The following TCF12 variants were observed in gnomAD, a reference collection of about 807,000 sequenced individuals.
TCF12 encodes the protein DNA-binding protein HTF4.
TCF12 carries 45 observed loss-of-function variants against 86.0 expected under a neutral mutation model. That is an observed-to-expected ratio of 0.52 (90% CI 0.41 to 0.67). The LOEUF (loss-of-function observed/expected upper bound fraction) is 0.67, where lower values mean the gene tolerates loss of function less well. Ranked by LOEUF, TCF12 falls within the 30% of genes least tolerant of loss-of-function variation. TCF12 has a pLI of 0.00. For missense variants in TCF12, 881 were observed against 859.9 expected, an observed-to-expected ratio of 1.02 and a Z score of -0.31; for synonymous variants, 330 against 299.6, an observed-to-expected ratio of 1.10 and a Z score of -1.05.
At chr15:57,096,855 C>T (rs144121277) in intron 5 of TCF12, among the ~76,000 whole-genome samples, 4 of 152,102 alleles carry the variant, frequency 2.6e-5, no homozygotes, top group African/African-American at 7.2e-5. Context: ...TCTAATTGCT[C>T]AAGTATATTA....
intron 5 of TCF12, among the ~76,000 whole-genome samples, chr15:57,145,681 C>T (rs1182395907): frequency 2.0e-5 from 3 of 151,852 alleles, no homozygotes; most frequent in Non-Finnish European, 4.4e-5. Flanking sequence ...TTGGTAAGCA[C>T]GCTGACATAG....
intron 6 of TCF12, among the ~76,000 whole-genome samples, chr15:57,178,005 G>C (rs1424054539): frequency 6.6e-6 from 1 of 152,206 alleles, no homozygotes; most frequent in Non-Finnish European, 1.5e-5. Flanking sequence ...CTCGTTGGAA[G>C]CAGTTTCAGA....
chr15:57,228,916 T>G (rs201226937), intron 8 of TCF12, among the ~76,000 whole-genome samples: 37 of 151,668 alleles, frequency 2.4e-4, no homozygotes, highest in Non-Finnish European at 4.3e-4. Context: ...GAGACTGACT[T>G]ACTGTTTCAG....
rs1222192859 is a variant in TCF12 at position 57,091,800 on chromosome 15, C to T, written c.234C>T (p.Asp78=). 6.2e-7 allele frequency: 1 copy of T among 1,613,402 alleles called. No homozygotes were observed. The change falls in exon 5 of 21, where the codon GAC becomes GAT. Residue 78 remains aspartate, a synonymous_variant. Transcript: ENST00000333725. ...PSYDSSRGFT[D]SPHYSDHLND... ...TTTTCTCCCCCTAGGGTTTTACAGA[C>T]AGCCCTCATTACAGTGATCACTTGA...
At chr15:57,100,998 C>A (rs1463130263) in intron 5 of TCF12, among the ~76,000 whole-genome samples, 1 of 152,098 alleles carries the variant, frequency 6.6e-6, no homozygotes, top group Admixed American at 6.5e-5. Context: ...TGTGAGGCCC[C>A]ATAAAACAAT....
chr15:57,130,637 G>T (rs2052037830), intron 5 of TCF12, among the ~76,000 whole-genome samples: 1 of 152,028 alleles, frequency 6.6e-6, no homozygotes, highest in Non-Finnish European at 1.5e-5. Flanking sequence ...AACAGAGTTG[G>T]GATCAGAACT....
intron 3 of TCF12, among the ~76,000 whole-genome samples, chr15:57,022,250 A>G (rs1194065695): frequency 6.6e-6 from 1 of 150,822 alleles, no homozygotes; most frequent in African/African-American, 2.4e-5. Context: ...CCGGTGTGTG[A>G]TGTTCCCCAT....
At chr15:57,244,745 T>C in intron 13 of TCF12, among the ~76,000 whole-genome samples, 1 of 152,190 alleles carries the variant, frequency 6.6e-6, no homozygotes, top group Non-Finnish European at 1.5e-5. Flanking sequence ...ATTACAGGCG[T>C]GACCCACTGC....
chr15:56,953,372 A>G (rs1346499220), intron 3 of TCF12, among the ~76,000 whole-genome samples: 3 of 152,020 alleles, frequency 2.0e-5, no homozygotes. Flanking sequence ...ATGCAGAAAT[A>G]TTTATTTTCT....
chr15:56,989,309 G>T (rs1319561865), intron 3 of TCF12, among the ~76,000 whole-genome samples: 6 of 152,082 alleles, frequency 3.9e-5, no homozygotes, highest in African/African-American at 1.4e-4. Context: ...CTCTTGACCT[G>T]CAAAGCCTAA....
At chr15:56,941,333 C>T (rs1203550583) in intron 3 of TCF12, among the ~76,000 whole-genome samples, 5 of 151,894 alleles carry the variant, frequency 3.3e-5, no homozygotes, top group African/African-American at 1.2e-4. Context: ...TGCCACTGCA[C>T]TCCAACCTGG....
chr15:57,235,260 A>G (rs1197617442), intron 12 of TCF12, among the ~76,000 whole-genome samples: 2 of 152,216 alleles, frequency 1.3e-5, no homozygotes, highest in African/African-American at 4.8e-5. Flanking sequence ...TATACTGAGC[A>G]TTTACATGCC....
At chr15:57,108,281 T>C (rs752058976) in intron 5 of TCF12, among the ~76,000 whole-genome samples, 1 of 152,044 alleles carries the variant, frequency 6.6e-6, no homozygotes, top group Non-Finnish European at 1.5e-5. Flanking sequence ...AATTCTTTGG[T>C]GATAAAATTT....
At chr15:56,940,441 GTTTCTTCTTCTTC>G (rs2140342393) in intron 3 of TCF12, among the ~76,000 whole-genome samples, 1 of 151,860 alleles carries the variant, frequency 6.6e-6, no homozygotes, top group African/African-American at 2.4e-5. Flanking sequence ...TTTAGCAATT[GTTTCTTCTTCTTC>G]TTTCTTCTTC....
intron 3 of TCF12, among the ~76,000 whole-genome samples, chr15:57,062,247 T>C (rs1183868559): frequency 6.6e-6 from 1 of 152,122 alleles, no homozygotes; most frequent in African/African-American, 2.4e-5. Flanking sequence ...TGAGCCACGG[T>C]GCCCGGCCGG....
At chr15:57,166,024 C>G (rs1483492685) in intron 5 of TCF12, among the ~76,000 whole-genome samples, 1 of 150,650 alleles carries the variant, frequency 6.6e-6, no homozygotes, top group Non-Finnish European at 1.5e-5. Context: ...CTTTATATAG[C>G]TCAAGTGATC....
intron 5 of TCF12, among the ~76,000 whole-genome samples, chr15:57,152,306 G>A (rs1427222516): frequency 2.0e-5 from 3 of 152,080 alleles, no homozygotes; most frequent in African/African-American, 7.2e-5. Context: ...CTTTCAAGAG[G>A]CAAAACAGTT....
chr15:57,048,680 C>A (rs1415120636), intron 3 of TCF12, among the ~76,000 whole-genome samples: 1 of 151,818 alleles, frequency 6.6e-6, no homozygotes, highest in Admixed American at 6.6e-5. Context: ...TGGTTTGTAT[C>A]GAGTTACAAT....
chr15:57,208,159 A>T (rs1416054824), intron 8 of TCF12, among the ~76,000 whole-genome samples: 3 of 150,794 alleles, frequency 2.0e-5, no homozygotes, highest in African/African-American at 7.3e-5. Flanking sequence ...CAGCCTCCTG[A>T]GTAGCTGGGA....
Sources: allele counts gnomAD v4.1 joint callset (sites outside exome capture counted in the v4.1 genomes callset), GRCh38; gene constraint gnomAD v4.1.1; transcripts MANE v1.5; gene names NCBI Gene and HGNC (gene_info 2026-07-23, HGNC 2026-07-21).